BNC2: variants seen among roughly 807,000 people sequenced by gnomAD.
BNC2 encodes the protein zinc finger protein basonuclin-2.
In BNC2, 20 loss-of-function variants were observed where a neutral mutation model predicts 76.3. That is an observed-to-expected ratio of 0.26 (90% CI 0.18 to 0.38). The LOEUF (loss-of-function observed/expected upper bound fraction) is 0.38, where lower values mean the gene tolerates loss of function less well. Ranked by LOEUF, BNC2 falls within the 10% of genes least tolerant of loss-of-function variation. BNC2 has a pLI of 1.00. For missense variants in BNC2, 1,382 were observed against 1,399.8 expected (o/e 0.99, Z 0.20); for synonymous variants, 582 against 514.8 (o/e 1.13, Z -1.77).
At chr9:16,493,298 G>T (rs1563808870) in intron 5 of BNC2, among the ~76,000 whole-genome samples, 1 of 152,132 alleles carries the variant, frequency 6.6e-6, no homozygotes, top group Non-Finnish European at 1.5e-5. Context: ...TACCTTATCT[G>T]ACCACATCCA....
At chr9:16,765,692 C>T (rs1184518606) in intron 1 of BNC2, among the ~76,000 whole-genome samples, 1 of 151,828 alleles carries the variant, frequency 6.6e-6, no homozygotes, top group Non-Finnish European at 1.5e-5. Flanking sequence ...TGAATGATGC[C>T]TTAATTAAAG....
chr9:16,848,457 G>A (rs1049626982), intron 1 of BNC2, among the ~76,000 whole-genome samples: 11 of 152,182 alleles, frequency 7.2e-5, no homozygotes, highest in African/African-American at 2.7e-4. Context: ...TCCCACAGGA[G>A]TTACAGTACA....
intron 2 of BNC2, among the ~76,000 whole-genome samples, chr9:16,736,908 G>T (rs1824689005): frequency 6.6e-6 from 1 of 151,864 alleles, no homozygotes; most frequent in African/African-American, 2.4e-5. Context: ...CCAGATTCAA[G>T]CAATTCTACT....
chr9:16,687,905 G>A (rs1041000346), intron 3 of BNC2, among the ~76,000 whole-genome samples: 7 of 152,144 alleles, frequency 4.6e-5, no homozygotes, highest in African/African-American at 1.7e-4. Flanking sequence ...AAACATAAAG[G>A]TCTGTGAGTA....
intron 3 of BNC2, among the ~76,000 whole-genome samples, chr9:16,601,543 T>G (rs980475883): frequency 6.6e-6 from 1 of 152,146 alleles, no homozygotes; most frequent in African/African-American, 2.4e-5. Context: ...TTCCAAGATT[T>G]GAAAGCAGAG....
intron 5 of BNC2, among the ~76,000 whole-genome samples, chr9:16,543,383 G>A (rs996911819): frequency 2.0e-5 from 3 of 152,162 alleles, no homozygotes; most frequent in Admixed American, 6.5e-5. Flanking sequence ...AAGGATGTAT[G>A]AGTGCTGCTC....
chr9:16,807,247 A>C (rs1817937727), intron 1 of BNC2, among the ~76,000 whole-genome samples: 1 of 152,238 alleles, frequency 6.6e-6, no homozygotes, highest in Non-Finnish European at 1.5e-5. Flanking sequence ...AATGAATAAG[A>C]ATAATGGCAA....
chr9:16,819,579 C>T (rs1038770322), intron 1 of BNC2, among the ~76,000 whole-genome samples: 2 of 152,018 alleles, frequency 1.3e-5, no homozygotes, highest in Non-Finnish European at 2.9e-5. Flanking sequence ...ATCACTTCAA[C>T]CCAGGAGGTG....
In BNC2 at chr9:16,632,047, T is replaced by G. The variant is rs547339618; in HGVS notation, c.331-48962A>C. On this transcript the variant is annotated intron_variant, in intron 3 of 6. Coordinates refer to ENST00000380672, the MANE Select transcript of BNC2 (RefSeq NM_017637.6). ...AATGGCAGACAGGGTAAGGGGCAGG[T>G]CCAATCATGTAGGGTCTTGTTTGTC... is the stretch of plus-strand genomic sequence containing the variant. Among the ~76,000 whole-genome samples the G allele has an allele frequency of 9.4e-4, 143 of 152,192 alleles. 1 individual carries two copies. The highest frequency in any genetic ancestry group is 3.3e-3 in the African/African-American group (139 of 41,538).
At chr9:16,678,261 CTTTT>C (rs1587306864) in intron 3 of BNC2, among the ~76,000 whole-genome samples, 1 of 75,888 alleles carries the variant, frequency 1.3e-5, no homozygotes, top group Non-Finnish European at 2.6e-5. Flanking sequence ...TGTTTTCTTT[CTTTT>C]TCTTTTTTTT....
At chr9:16,801,290 A>C (rs895788240) in intron 1 of BNC2, among the ~76,000 whole-genome samples, 2 of 152,156 alleles carry the variant, frequency 1.3e-5, no homozygotes, top group African/African-American at 4.8e-5. Context: ...TCTGTCACCC[A>C]GGCTGGAGTA....
chr9:16,692,133 AG>A (rs1401120583), intron 3 of BNC2, among the ~76,000 whole-genome samples: 2 of 152,204 alleles, frequency 1.3e-5, no homozygotes, highest in East Asian at 3.9e-4. Context: ...TAAGAAAAAA[AG>A]GTACAGAATT....
intron 1 of BNC2, among the ~76,000 whole-genome samples, chr9:16,750,249 A>T (rs1180432937): frequency 6.6e-6 from 1 of 152,240 alleles, no homozygotes; most frequent in East Asian, 1.9e-4. Context: ...ATATAATTTG[A>T]TACTTATATT....
chr9:16,803,116 T>G (rs753266935), intron 1 of BNC2, among the ~76,000 whole-genome samples: 1 of 152,192 alleles, frequency 6.6e-6, no homozygotes, highest in Non-Finnish European at 1.5e-5. Flanking sequence ...CATTTGGACT[T>G]GCAGAAGGAC....
intron 3 of BNC2, among the ~76,000 whole-genome samples, chr9:16,649,765 ATTTG>A (rs573613391): frequency 7.2e-5 from 11 of 152,300 alleles, no homozygotes; most frequent in African/African-American, 2.6e-4. Flanking sequence ...AATAAACTTC[ATTTG>A]TTTGAGAGGC....
At chr9:16,490,717 T>A (rs1284340638) in intron 5 of BNC2, among the ~76,000 whole-genome samples, 1 of 152,134 alleles carries the variant, frequency 6.6e-6, no homozygotes, top group Non-Finnish European at 1.5e-5. Context: ...GAAAGTATTC[T>A]ACACTCCCTG....
intron 5 of BNC2, among the ~76,000 whole-genome samples, chr9:16,469,403 C>T (rs1344723733): frequency 1.3e-5 from 2 of 152,196 alleles, no homozygotes; most frequent in South Asian, 2.1e-4. Flanking sequence ...TCAGGGGTTT[C>T]TGCTTTTGCT....
At chr9:16,486,810 C>T (rs1822173247) in intron 5 of BNC2, among the ~76,000 whole-genome samples, 1 of 152,076 alleles carries the variant, frequency 6.6e-6, no homozygotes, top group African/African-American at 2.4e-5. Context: ...ACTGTAACAT[C>T]AAACTCCTGG....
chr9:16,695,595 G>T (rs1226136828), intron 3 of BNC2, among the ~76,000 whole-genome samples: 1 of 137,616 alleles, frequency 7.3e-6, no homozygotes, highest in Non-Finnish European at 1.5e-5. Flanking sequence ...GGCTGGTCTT[G>T]AACTCCTGGC....
Sources: allele counts gnomAD v4.1 joint callset (sites outside exome capture counted in the v4.1 genomes callset), GRCh38; gene constraint gnomAD v4.1.1; transcripts MANE v1.5; gene names NCBI Gene and HGNC (gene_info 2026-07-23, HGNC 2026-07-21).